The following ZSCAN5A variants were observed in gnomAD, a reference collection of about 807,000 sequenced individuals.
ZSCAN5A encodes zinc finger and SCAN domain-containing protein 5A.
ZSCAN5A carries 12 observed loss-of-function variants against 23.7 expected under a neutral mutation model. That is an observed-to-expected ratio of 0.51 (90% CI 0.32 to 0.82). The LOEUF (loss-of-function observed/expected upper bound fraction) is 0.82. Ranked by LOEUF, ZSCAN5A falls within the 40% of genes least tolerant of loss-of-function variation. The pLI, the probability that ZSCAN5A is intolerant of heterozygous loss-of-function variation, is 0.03. For synonymous variants in ZSCAN5A, 257 were observed against 239.9 expected (o/e 1.07, Z -0.66); for missense variants, 597 against 617.9 (o/e 0.97, Z 0.36).
At chr19:56,282,491 T>C (rs1361309592) in intron 2 of ZSCAN5A, 4 of 985,406 alleles carry the variant, frequency 4.1e-6, no homozygotes, top group Non-Finnish European at 4.8e-6. Context: ...CTGCCAACAG[T>C]GCTGAAAGGT....
chr19:56,368,014 G>A (rs562331607), intron 1 of ZSCAN5A: 2 of 152,454 alleles, frequency 1.3e-5, no homozygotes, highest in Non-Finnish European at 2.9e-5. Context: ...GTCTGAACCT[G>A]GTACTGATAT....
At chr19:56,255,303 G>A (rs1242246144) in intron 2 of ZSCAN5A, among the ~76,000 whole-genome samples, 1 of 152,172 alleles carries the variant, frequency 6.6e-6, no homozygotes, top group Admixed American at 6.5e-5. Context: ...ATTGAGCAAA[G>A]CGTGGACAAT....
At chr19:56,222,490 G>A in intron 5 of ZSCAN5A, 101 bp downstream of exon 5, 1 of 1,554,988 alleles carries the variant, frequency 6.4e-7, no homozygotes, top group Non-Finnish European at 8.7e-7. Flanking sequence ...GGCTTTGACA[G>A]CTGAGTGCCA....
chr19:56,234,235 A>G (rs756246657), intron 2 of ZSCAN5A, among the ~76,000 whole-genome samples: 5 of 152,248 alleles, frequency 3.3e-5, no homozygotes, highest in African/African-American at 4.8e-5. Flanking sequence ...GTGGGAAGGA[A>G]GAAACTACTG....
At chr19:56,241,007 C>T (rs945522566) in intron 2 of ZSCAN5A, among the ~76,000 whole-genome samples, 5 of 152,160 alleles carry the variant, frequency 3.3e-5, no homozygotes, top group Admixed American at 6.5e-5. Context: ...CCTTGCCGGC[C>T]GCACTCCACT....
rs536230024 is a variant in ZSCAN5A, at chr19:56,278,028, A to G, written c.-128+35255T>C. 2.0e-5 allele frequency among the ~76,000 whole-genome samples: 3 copies of G among 152,362 alleles called. No homozygotes were observed. In the South Asian group the frequency reaches 6.2e-4, roughly 32 times the overall value. ...GAAAGGTATTATTTTACATTTTTGC[A>G]AATCTCTTTGATGTCTAGTTTAATA... On this transcript the variant is annotated intron_variant, in intron 2 of 5. Coordinates refer to ENST00000683990, the MANE Select transcript of ZSCAN5A (RefSeq NM_001322064.3).
Position 56,222,117 on chromosome 19 carries a change from T to C in ZSCAN5A, c.949A>G (p.Thr317Ala), listed in dbSNP as rs752005370. Residue 317 changes from threonine (T) to alanine (A), a missense_variant, in exon 6 of 6, where the codon ACA becomes GCA. Physicochemically the swap from Thr to Ala is moderately conservative, Grantham distance 58. Coordinates refer to ENST00000683990, the MANE Select transcript of ZSCAN5A (RefSeq NM_001322064.3). ...GGGGATTCTCTGTTGCCCACAGGTG[T>C]GGCTTCTCCTTGAGGCTCTTCTTGG... ...ISQEEPQGEA[T>A]PVGNRESPGQ... The C allele has an allele frequency of 6.2e-7, 1 of 1,614,172 alleles. No individual in the cohort carries two copies. The highest frequency in any genetic ancestry group is 8.5e-7 in the Non-Finnish European group (1 of 1,180,038).
At chr19:56,321,447 G>A in intron 2 of ZSCAN5A, 2 of 680,074 alleles carry the variant, frequency 2.9e-6, no homozygotes, top group Non-Finnish European at 5.4e-6. Flanking sequence ...CAACGGCATT[G>A]ATAACACACT....
intron 2 of ZSCAN5A, among the ~76,000 whole-genome samples, chr19:56,258,599 C>T (rs1251197861): frequency 6.6e-6 from 1 of 151,572 alleles, no homozygotes; most frequent in Non-Finnish European, 1.5e-5. Context: ...ACACGCCTTC[C>T]AGTGTGGGGG....
intron 1 of ZSCAN5A, chr19:56,365,677 A>T (rs2041759653): frequency 6.6e-6 from 1 of 152,244 alleles, no homozygotes; most frequent in Non-Finnish European, 1.5e-5. Context: ...TACTGCCTCC[A>T]AAGTTGGAGA....
intron 2 of ZSCAN5A, among the ~76,000 whole-genome samples, chr19:56,336,270 G>A (rs1600290426): frequency 6.6e-6 from 1 of 152,142 alleles, no homozygotes; most frequent in Non-Finnish European, 1.5e-5. Flanking sequence ...TTTCTTGGAG[G>A]CTTTGTTCAT....
chr19:56,360,563 G>C (rs191395577), intron 2 of ZSCAN5A, among the ~76,000 whole-genome samples: 10 of 152,180 alleles, frequency 6.6e-5, no homozygotes, highest in Non-Finnish European at 1.5e-4. Context: ...CAACAAACCT[G>C]ACAAAAACCA....
upstream of ZSCAN5A, chr19:56,319,652 T>C (rs2041354432): frequency 1.8e-6 from 1 of 553,944 alleles, no homozygotes; most frequent in Non-Finnish European, 3.2e-6. Flanking sequence ...AAAGCAGATA[T>C]GCTCAAAAGA....
In ZSCAN5A at chr19:56,250,310, G is replaced by T. The variant is rs73937211; in HGVS notation, c.-127-25137C>A. Among the ~76,000 whole-genome samples, 465 of 152,258 alleles carry T rather than the reference G, an allele frequency of 3.1e-3. 2 individuals carry two copies. The highest frequency in any genetic ancestry group is 9.6e-3 in the African/African-American group (397 of 41,552). Reference sequence around the variant, plus strand: ...GTTTGAGTCGATACTTGGAAATCAGGTTTAAAAAATTTTTCCAGGTAATTC... The same window carrying T: ...GTTTGAGTCGATACTTGGAAATCAGTTTTAAAAAATTTTTCCAGGTAATTC... On this transcript the variant is annotated intron_variant, in intron 2 of 5. Transcript: ENST00000683990.
chr19:56,288,508 C>A (rs1191511506), intron 2 of ZSCAN5A, among the ~76,000 whole-genome samples: 1 of 152,170 alleles, frequency 6.6e-6, no homozygotes, highest in Non-Finnish European at 1.5e-5. Context: ...CTCATCCCAA[C>A]GATACCCCAC....
chr19:56,363,448 C>T (rs12972227), intron 1 of ZSCAN5A: 38,704 of 152,004 alleles, frequency 0.25, 5,227 homozygotes, highest in Middle Eastern at 0.44. Context: ...TCTGAAAATG[C>T]AGAAGCAACT....
rs74471530 is a variant in ZSCAN5A at position 56,292,603 on chromosome 19, G to A, written c.-128+20680C>T. On this transcript the variant is annotated intron_variant, in intron 2 of 5. Coordinates refer to ENST00000683990, the MANE Select transcript of ZSCAN5A (RefSeq NM_001322064.3). ...GCACCCACCTTAACCACTTTAAAGT[G>A]TGCGATTTAGTGGCCCTTGGTACAC... is the stretch of plus-strand genomic sequence containing the variant. Among the ~76,000 whole-genome samples, 1,457 of 152,028 alleles carry A rather than the reference G, an allele frequency of 9.6e-3. 20 individuals are homozygous for A. Among genetic ancestry groups the A allele is most frequent in the African/African-American group, 0.034 (1,392 of 41,456 alleles).
chr19:56,268,211 G>A (rs2037607214), intron 2 of ZSCAN5A, among the ~76,000 whole-genome samples: 1 of 152,184 alleles, frequency 6.6e-6, no homozygotes, highest in African/African-American at 2.4e-5. Context: ...GACTCCTTGG[G>A]GGTTGGGAAG....
Position 56,355,679 on chromosome 19 carries a change from C to A in ZSCAN5A, c.-358+7556G>T, listed in dbSNP as rs1020708197. Among the ~76,000 whole-genome samples the A allele has an allele frequency of 1.3e-5, 2 of 149,012 alleles. 1 individual carries two copies. The highest frequency in any genetic ancestry group is 3.0e-5 in the Non-Finnish European group (2 of 67,334). On this transcript the variant is annotated intron_variant, in intron 2 of 6. Transcript: ENST00000587340. ...TTTGGCTCCAGACTGTGTTTATTGG[C>A]AAATAGTGCAAGATGTTTGAAGCGC...
Sources: allele counts gnomAD v4.1 joint callset (sites outside exome capture counted in the v4.1 genomes callset), GRCh38; gene constraint gnomAD v4.1.1; transcripts MANE v1.5; gene names NCBI Gene and HGNC (gene_info 2026-07-23, HGNC 2026-07-21).